The following CACNA1B variants were observed in gnomAD, a reference collection of about 807,000 sequenced individuals.
CACNA1B encodes the protein calcium voltage-gated channel subunit alpha1 B.
Under a neutral mutation model 247.2 loss-of-function variants are expected in CACNA1B, and 70 were observed. The observed-to-expected ratio is 0.28, with a 90% CI of 0.23 to 0.35. CACNA1B has a LOEUF of 0.35. Among genes scored for constraint, CACNA1B ranks in the 10% least tolerant of loss-of-function variants. The pLI is 1.00. For missense variants in CACNA1B, 2,367 were observed against 3,197.4 expected, an observed-to-expected ratio of 0.74 and a Z score of 6.26; for synonymous variants, 1,231 against 1,294.4, an observed-to-expected ratio of 0.95 and a Z score of 1.05.
chr9:137,985,515 C>T (rs951989906), intron 13 of CACNA1B, among the ~76,000 whole-genome samples: 2 of 152,206 alleles, frequency 1.3e-5, no homozygotes, highest in Non-Finnish European at 2.9e-5. Flanking sequence ...AATTCCTTTC[C>T]CAGAGTCTTC....
chr9:137,976,577 G>T (rs1958225046), intron 12 of CACNA1B, among the ~76,000 whole-genome samples: 1 of 151,692 alleles, frequency 6.6e-6, no homozygotes, highest in Non-Finnish European at 1.5e-5. Context: ...AGACGGCAGG[G>T]CAGGGCAGTC....
At chr9:137,963,264 C>T (rs1958039981) in intron 10 of CACNA1B, among the ~76,000 whole-genome samples, 1 of 152,070 alleles carries the variant, frequency 6.6e-6, no homozygotes, top group African/African-American at 2.4e-5. Context: ...TATTTTGAGC[C>T]CATGTGTGTC....
intron 6 of CACNA1B, among the ~76,000 whole-genome samples, chr9:137,940,904 G>A (rs1957726148): frequency 6.6e-6 from 1 of 152,058 alleles, no homozygotes; most frequent in Non-Finnish European, 1.5e-5. Context: ...GGCATACACA[G>A]GACATACCTC....
rs1957889952 is a variant in CACNA1B at position 137,952,527 on chromosome 9, TC to T, written c.1070+152del. On this transcript the variant is annotated intron_variant, in intron 7 of 46. Transcript: ENST00000371372. This position sits in a 1 kb window ranked among gnomAD's most constrained non-coding sequence, Gnocchi z 4.8. ...TGGTGTTCTGGGTTCTGGTAGCCCT[TC>T]CTTTGTGCCACCATCCTGACCTGTC... 2 of 666,628 alleles carry T rather than the reference TC, an allele frequency of 3.0e-6. No individual in the cohort carries two copies. Among genetic ancestry groups the T allele is most frequent in the Non-Finnish European group, 5.4e-6 (2 of 372,916 alleles). 41.3% of individuals were successfully genotyped at this position (666,628 alleles called of 1,614,324 possible).
At chr9:137,998,002 G>A (rs1448402585) in intron 15 of CACNA1B, among the ~76,000 whole-genome samples, 3 of 152,172 alleles carry the variant, frequency 2.0e-5, no homozygotes, top group African/African-American at 7.2e-5. Flanking sequence ...GATGAACAAT[G>A]TGCAAAACAA....
In CACNA1B at chr9:138,023,729, A is replaced by G. The variant is rs11137342; in HGVS notation, c.2986A>G (p.Thr996Ala). 0.028 allele frequency: 29,083 copies of G among 1,029,450 alleles called. 971 individuals are homozygous for G. In the African/African-American group the frequency reaches 0.4, roughly 14 times the overall value. The allele number at this position is 1,029,450 out of a possible 1,614,324, so 63.8% of individuals were successfully genotyped here. The change falls in exon 19 of 47, where the codon ACC (threonine) becomes GCC (alanine). Residue 996 changes from threonine (T) to alanine (A), a missense_variant. Physicochemically the swap from Thr to Ala is moderately conservative, Grantham distance 58. Around this residue, in one of 12 missense-constraint regions of CACNA1B, gnomAD observed 631 missense variants for 631.1 expected, o/e 1.00. Transcript: ENST00000371372. ...TGCTCACGAGGCTGTGGAGAAGGAG[A>G]CCACGGAGAAGGAGGCCACGGAGAA... ...QPAHEAVEKE[T>A]TEKEATEKEA...
Position 137,971,336 on chromosome 9 carries a change from G to C in CACNA1B, c.1334-47G>C, listed in dbSNP as rs143388351. On this transcript the variant is annotated intron_variant, in intron 10 of 46. Coordinates refer to ENST00000371372, the MANE Select transcript of CACNA1B (RefSeq NM_000718.4). This position sits in a 1 kb window ranked among gnomAD's most constrained non-coding sequence, Gnocchi z 4.4. Reference sequence around the variant, plus strand: ...GTGGGGGTCCACAGGTGGGGTAGGCGGGTGCCCATTGGTCCCCACATCCTC... The same window carrying C: ...GTGGGGGTCCACAGGTGGGGTAGGCCGGTGCCCATTGGTCCCCACATCCTC... 7.2e-7 allele frequency: 1 copy of C among 1,394,072 alleles called. No homozygotes were observed. 86.4% of individuals were successfully genotyped at this position (1,394,072 alleles called of 1,614,324 possible).
chr9:137,906,625 C>T (rs1283052590), intron 3 of CACNA1B, among the ~76,000 whole-genome samples: 2 of 151,628 alleles, frequency 1.3e-5, no homozygotes, highest in Admixed American at 1.3e-4. Flanking sequence ...ACATGTTCCC[C>T]TGTATGCCCA....
At chr9:138,009,336 G>A (rs1308941041) in intron 16 of CACNA1B, among the ~76,000 whole-genome samples, 1 of 152,238 alleles carries the variant, frequency 6.6e-6, no homozygotes, top group African/African-American at 2.4e-5. Flanking sequence ...CCGTCTCCAC[G>A]GCCTGACGTG....
intron 39 of CACNA1B, among the ~76,000 whole-genome samples, 199 bp downstream of exon 39, chr9:138,106,006 A>G (rs185919641): frequency 6.6e-6 from 1 of 152,316 alleles, no homozygotes; most frequent in East Asian, 1.9e-4. Context: ...TTAGCACTGC[A>G]ATGATCCCAT....
chr9:138,002,106 A>G (rs749855720), intron 15 of CACNA1B, among the ~76,000 whole-genome samples: 1 of 152,236 alleles, frequency 6.6e-6, no homozygotes, highest in Non-Finnish European at 1.5e-5. Flanking sequence ...AATTTGTCCT[A>G]CCATATATCA....
At chr9:138,000,918 T>C (rs937419430) in intron 15 of CACNA1B, among the ~76,000 whole-genome samples, 6 of 152,178 alleles carry the variant, frequency 3.9e-5, no homozygotes, top group Non-Finnish European at 7.3e-5. Flanking sequence ...TTATTTGTGC[T>C]TTTTTTCCCT....
rs188553529 is a variant in CACNA1B, at chr9:138,122,387, T to C, written c.*388T>C. 143 of 218,092 alleles carry C rather than the reference T, an allele frequency of 6.6e-4. No homozygotes were observed. The highest frequency in any genetic ancestry group is 3.0e-3 in the African/African-American group (132 of 44,180). 13.5% of individuals were successfully genotyped at this position (218,092 alleles called of 1,614,324 possible). A position where few individuals can be genotyped will look rare whatever the true frequency, so the allele number is the denominator to read the frequency against. ...GTGGGGAGCACCCTTCACGTGGCCGTGCGGCACAGAGAAGCAGGGCCCACC... is the reference window on the plus strand; with the variant it reads ...GTGGGGAGCACCCTTCACGTGGCCGCGCGGCACAGAGAAGCAGGGCCCACC... On this transcript the variant is annotated 3_prime_UTR_variant, in exon 47 of 47. Transcript: ENST00000371372.
intron 20 of CACNA1B, 96 bp from the exon 21 acceptor site, chr9:138,043,678 A>C: frequency 4.2e-6 from 6 of 1,420,388 alleles, no homozygotes. Flanking sequence ...TGAGGACCTG[A>C]CGCAAGTGCC....
At chr9:137,894,607 A>C (rs912579977) in intron 3 of CACNA1B, among the ~76,000 whole-genome samples, 1 of 151,814 alleles carries the variant, frequency 6.6e-6, no homozygotes, top group African/African-American at 2.4e-5. Context: ...ACGGGGTTTC[A>C]CCGTGTGAGC....
At position 137,971,660 on chromosome 9, in the gene CACNA1B, C is replaced by A; in HGVS notation, c.1543+68C>A. On this transcript the variant is annotated intron_variant, in intron 11 of 46. Coordinates refer to ENST00000371372, the MANE Select transcript of CACNA1B (RefSeq NM_000718.4). The surrounding 1 kb of genome is among the most constrained non-coding windows in gnomAD (Gnocchi z 4.4). ...CTGCTCTCAGTCTGGAAACCCTGGT[C>A]CATGCCCTGGGGCTACCCCAGGTGG... The A allele has an allele frequency of 7.2e-7, 1 of 1,384,398 alleles. No homozygotes were observed. Among genetic ancestry groups the A allele is most frequent in the Non-Finnish European group, 1.0e-6 (1 of 994,546 alleles). 85.8% of individuals were successfully genotyped at this position (1,384,398 alleles called of 1,614,324 possible).
chr9:137,949,767 G>C (rs1373472153), intron 6 of CACNA1B, among the ~76,000 whole-genome samples: 1 of 152,020 alleles, frequency 6.6e-6, no homozygotes, highest in East Asian at 1.9e-4. Flanking sequence ...GGTTGAATGA[G>C]GTCCACCCCA....
At position 137,986,689 on chromosome 9, in the gene CACNA1B, T is replaced by C; in HGVS notation, c.1902-93T>C. 7.1e-7 allele frequency: 1 copy of C among 1,414,480 alleles called. No homozygotes were observed. Among genetic ancestry groups the C allele is most frequent in the East Asian group, 2.3e-5 (1 of 43,872 alleles). 87.6% of individuals were successfully genotyped at this position (1,414,480 alleles called of 1,614,324 possible). On this transcript the variant is annotated intron_variant, in intron 14 of 46. Coordinates refer to ENST00000371372, the MANE Select transcript of CACNA1B (RefSeq NM_000718.4). The surrounding 1 kb of genome is among the most constrained non-coding windows in gnomAD (Gnocchi z 6.0). ...GGCCAGTGTGCAGCCATCTGCAGCC[T>C]GAAGCGAGCAGGTTGAGGCCACGCT...
rs759709694 is a variant in CACNA1B, at chr9:138,047,417, T to C, written c.3562T>C (p.Tyr1188His). 1 of 1,611,996 alleles carries C rather than the reference T, an allele frequency of 6.2e-7. No homozygotes were observed. The highest frequency in any genetic ancestry group is 8.5e-7 in the Non-Finnish European group (1 of 1,178,024). The stretch of plus-strand genomic sequence containing the variant: ...GTTTCAGGCTCTGAAATACCTGGAT[T>C]ACATTTTCACTGGTGTCTTTACCTT... ...PRNNALKYLDYIFTGVFTFEM... is the reference protein window; with the variant it reads ...PRNNALKYLDHIFTGVFTFEM... Residue 1188 changes from tyrosine (Y) to histidine (H), a missense_variant, in exon 23 of 47, where the codon TAC becomes CAC. Around this residue, in one of 12 missense-constraint regions of CACNA1B, gnomAD observed 436 missense variants for 679.5 expected, o/e 0.64. Transcript: ENST00000371372.
Sources: gnomAD v4.1 joint callset for allele counts (sites outside exome capture counted in the v4.1 genomes callset) on GRCh38, gnomAD v4.1.1 for gene constraint, gnomAD v4.1.1 regional missense constraint, Gnocchi (gnomAD v3.1) non-coding constraint, MANE v1.5 for transcripts, NCBI Gene and HGNC (gene_info 2026-07-23, HGNC 2026-07-21) for gene names.